Variants in CDH13 observed in about 807,000 individuals in gnomAD.
The protein encoded by CDH13 is cadherin 13, also known as cadherin-13.
Under a neutral mutation model 63.8 loss-of-function variants are expected in CDH13, and 24 were observed. That is an observed-to-expected ratio of 0.38 (90% CI 0.27 to 0.53). The LOEUF is 0.53. Ranked by LOEUF, CDH13 falls within the 20% of genes least tolerant of loss-of-function variation. CDH13 has a pLI of 0.85. For synonymous variants in CDH13, 503 were observed against 355.3 expected, an observed-to-expected ratio of 1.42 and a Z score of -4.67; for missense variants, 1,049 against 903.1, an observed-to-expected ratio of 1.16 and a Z score of -2.07.
chr16:83,760,901 C>A (rs891854330), intron 11 of CDH13, among the ~76,000 whole-genome samples: 2 of 152,180 alleles, frequency 1.3e-5, no homozygotes, highest in Non-Finnish European at 2.9e-5. Flanking sequence ...GAAGGGCAAT[C>A]CCTGTTTGCT....
At chr16:83,373,831 G>A (rs1414812209) in intron 6 of CDH13, among the ~76,000 whole-genome samples, 1 of 152,136 alleles carries the variant, frequency 6.6e-6, no homozygotes, top group Non-Finnish European at 1.5e-5. Context: ...AAGAGTCACT[G>A]ATCTGGAAGG....
intron 11 of CDH13, among the ~76,000 whole-genome samples, chr16:83,750,877 T>C (rs1370265736): frequency 6.6e-6 from 1 of 152,022 alleles, no homozygotes; most frequent in African/African-American, 2.4e-5. Flanking sequence ...CACTTTGTTA[T>C]GGCAACTCTA....
intron 6 of CDH13, among the ~76,000 whole-genome samples, chr16:83,348,356 A>G (rs2090882772): frequency 6.6e-6 from 1 of 152,198 alleles, no homozygotes; most frequent in Admixed American, 6.5e-5. Flanking sequence ...CTTCGGATGA[A>G]ATAGCCAGGC....
chr16:82,860,623 G>A (rs563811223), intron 2 of CDH13, among the ~76,000 whole-genome samples: 9 of 139,294 alleles, frequency 6.5e-5, no homozygotes, highest in Admixed American at 5.3e-4. Context: ...GAAACCGTAT[G>A]TCCATGTATA....
At chr16:82,891,489 G>A (rs765745668) in intron 2 of CDH13, among the ~76,000 whole-genome samples, 7 of 152,146 alleles carry the variant, frequency 4.6e-5, no homozygotes, top group Non-Finnish European at 1.0e-4. Context: ...GAATTTCACT[G>A]GGCATATATT....
chr16:82,928,945 G>A (rs1305233904), intron 2 of CDH13, among the ~76,000 whole-genome samples: 2 of 152,162 alleles, frequency 1.3e-5, no homozygotes, highest in African/African-American at 4.8e-5. Context: ...TTCAGTCTCA[G>A]TCTAGGTTCA....
intron 10 of CDH13, 74 bp from the exon 11 acceptor site, chr16:83,748,034 A>T: frequency 6.6e-7 from 1 of 1,525,804 alleles, no homozygotes. Flanking sequence ...CTAGGAGCTC[A>T]TGCCCTGCAC....
At chr16:83,421,437 A>G (rs1597981180) in intron 6 of CDH13, among the ~76,000 whole-genome samples, 1 of 152,284 alleles carries the variant, frequency 6.6e-6, no homozygotes, top group African/African-American at 2.4e-5. Context: ...CATCTTTCCA[A>G]TTAATTATCC....
intron 1 of CDH13, among the ~76,000 whole-genome samples, chr16:82,762,166 G>C (rs546856888): frequency 3.9e-5 from 6 of 152,246 alleles, no homozygotes; most frequent in South Asian, 2.1e-4. Context: ...CTGCACATCG[G>C]ACTTCACCCT....
rs375685857 is a variant in CDH13 at position 83,502,777 on chromosome 16, G to T, written c.960+16122G>T. 2.8e-4 allele frequency among the ~76,000 whole-genome samples: 42 copies of T among 152,286 alleles called. No homozygotes were observed. In the East Asian group the frequency reaches 7.2e-3, roughly 26 times the overall value. On this transcript the variant is annotated intron_variant, in intron 7 of 13. Coordinates refer to ENST00000567109, the MANE Select transcript of CDH13 (RefSeq NM_001257.5). ...GAGCTCTTGACCAATAGTAGCTGGT[G>T]TTACCAATAATAAAATAATGGTGAG...
At chr16:82,950,258 C>T in intron 2 of CDH13, among the ~76,000 whole-genome samples, 1 of 152,108 alleles carries the variant, frequency 6.6e-6, no homozygotes, top group East Asian at 1.9e-4. Context: ...GCCGCATCAT[C>T]CCAATCTCAA....
intron 7 of CDH13, among the ~76,000 whole-genome samples, chr16:83,535,756 G>T (rs886073302): frequency 6.7e-6 from 1 of 150,058 alleles, no homozygotes; most frequent in African/African-American, 2.4e-5. Flanking sequence ...GTGAATGGAA[G>T]GAAAGAGCTT....
intron 4 of CDH13, among the ~76,000 whole-genome samples, chr16:83,151,265 C>A (rs994759097): frequency 3.3e-5 from 5 of 152,166 alleles, no homozygotes; most frequent in African/African-American, 1.2e-4. Context: ...ATGTGTGAGA[C>A]TAACTGCATT....
chr16:83,722,799 T>A (rs1354975973), intron 10 of CDH13, among the ~76,000 whole-genome samples: 1 of 152,198 alleles, frequency 6.6e-6, no homozygotes, highest in Non-Finnish European at 1.5e-5. Context: ...GTCATCTTAC[T>A]AAAAAAGTTC....
chr16:83,725,926 G>C (rs1309019457), intron 10 of CDH13: 1 of 152,168 alleles, frequency 6.6e-6, no homozygotes, highest in Non-Finnish European at 1.5e-5. Flanking sequence ...TTGGCTCTGA[G>C]GACATAAATC....
At chr16:82,649,752 A>G (rs1271239833) in intron 1 of CDH13, among the ~76,000 whole-genome samples, 1 of 152,198 alleles carries the variant, frequency 6.6e-6, no homozygotes, top group Non-Finnish European at 1.5e-5. Flanking sequence ...GAAAGAAATT[A>G]CTGGTTAAGA....
At chr16:83,699,798 C>G (rs571684779) in intron 10 of CDH13, among the ~76,000 whole-genome samples, 1 of 152,184 alleles carries the variant, frequency 6.6e-6, no homozygotes, top group African/African-American at 2.4e-5. Flanking sequence ...ATTTTCCATC[C>G]TTCTCAGCAT....
chr16:83,338,727 G>C (rs181546839), intron 5 of CDH13, among the ~76,000 whole-genome samples: 41 of 152,288 alleles, frequency 2.7e-4, no homozygotes, highest in African/African-American at 8.9e-4. Flanking sequence ...CCCATGGTTG[G>C]TAGGAGGGTT....
At chr16:83,458,492 A>G (rs1185175636) in intron 6 of CDH13, among the ~76,000 whole-genome samples, 2 of 152,116 alleles carry the variant, frequency 1.3e-5, no homozygotes, top group Non-Finnish European at 2.9e-5. Flanking sequence ...TTTTGATATG[A>G]TTTTACAAAC....
Sources: allele counts gnomAD v4.1 joint callset (sites outside exome capture counted in the v4.1 genomes callset), GRCh38; gene constraint gnomAD v4.1.1; transcripts MANE v1.5; gene names NCBI Gene and HGNC (gene_info 2026-07-23, HGNC 2026-07-21).